The following ARHGAP24 variants were observed in gnomAD, a reference collection of about 807,000 sequenced individuals.
ARHGAP24 encodes the protein Rho GTPase activating protein 24.
In ARHGAP24, 50 loss-of-function variants were observed where a neutral mutation model predicts 76.4. The observed-to-expected ratio is 0.65, with a 90% CI of 0.52 to 0.83. ARHGAP24 has a LOEUF of 0.83. Among genes scored for constraint, ARHGAP24 ranks in the 40% least tolerant of loss-of-function variants. The pLI is 0.00. For synonymous variants in ARHGAP24, 345 were observed against 323.3 expected, an observed-to-expected ratio of 1.07 and a Z score of -0.72; for missense variants, 930 against 914.2, an observed-to-expected ratio of 1.02 and a Z score of -0.22.
chr4:85,874,112 A>C (rs114998934), intron 3 of ARHGAP24, among the ~76,000 whole-genome samples: 354 of 152,336 alleles, frequency 2.3e-3, no homozygotes, highest in Non-Finnish European at 4.0e-3. Flanking sequence ...CCCAAAACCT[A>C]GAGCAGTTTA....
At chr4:85,886,481 C>G (rs1733575126) in intron 3 of ARHGAP24, among the ~76,000 whole-genome samples, 1 of 152,120 alleles carries the variant, frequency 6.6e-6, no homozygotes, top group African/African-American at 2.4e-5. Flanking sequence ...TAAGCCTTAT[C>G]ATCATAGACC....
At chr4:85,612,083 T>TAC (rs34030905) in intron 2 of ARHGAP24, among the ~76,000 whole-genome samples, 5,521 of 143,768 alleles carry the variant, frequency 0.038, 290 homozygotes, top group African/African-American at 0.12. Flanking sequence ...TTCATTACAT[T>TAC]ACACACACAC....
chr4:85,924,617 A>G (rs1178756524), intron 4 of ARHGAP24: 1 of 150,988 alleles, frequency 6.6e-6, no homozygotes. Context: ...TCTTTTGTAT[A>G]TTGTCAACAC....
chr4:85,784,945 A>G (rs146222958), intron 3 of ARHGAP24, among the ~76,000 whole-genome samples: 3 of 135,588 alleles, frequency 2.2e-5, no homozygotes, highest in Non-Finnish European at 1.6e-5. Flanking sequence ...CTATCTATCT[A>G]TCTATCTATC....
At chr4:85,776,035 G>A (rs1727296967) in intron 3 of ARHGAP24, among the ~76,000 whole-genome samples, 1 of 152,070 alleles carries the variant, frequency 6.6e-6, no homozygotes, top group African/African-American at 2.4e-5. Context: ...ATTTTTATGT[G>A]TGTCAGTTTC....
At chr4:85,784,910 TC>T (rs1386710407) in intron 3 of ARHGAP24, among the ~76,000 whole-genome samples, 6 of 556 alleles carry the variant, frequency 0.011, no homozygotes, top group Non-Finnish European at 0.041. Context: ...TATATCTCTA[TC>T]TATCTATCTA....
intron 3 of ARHGAP24, among the ~76,000 whole-genome samples, chr4:85,849,548 A>G (rs922878393): frequency 6.6e-6 from 1 of 152,186 alleles, no homozygotes; most frequent in African/African-American, 2.4e-5. Context: ...GAGTGCTTCC[A>G]GTTTTTGCCC....
chr4:85,570,255 T>G, intron 1 of ARHGAP24, among the ~76,000 whole-genome samples: 1 of 152,022 alleles, frequency 6.6e-6, no homozygotes, highest in East Asian at 1.9e-4. Flanking sequence ...TTTTCACCCC[T>G]TCTCCCACTC....
chr4:85,773,888 T>C (rs1727218038), intron 3 of ARHGAP24, among the ~76,000 whole-genome samples: 1 of 152,210 alleles, frequency 6.6e-6, no homozygotes, highest in Non-Finnish European at 1.5e-5. Flanking sequence ...TATTTTAGCT[T>C]TGATCCACTA....
At chr4:85,484,282 AATG>A (rs1226445383) in intron 1 of ARHGAP24, among the ~76,000 whole-genome samples, 2 of 152,190 alleles carry the variant, frequency 1.3e-5, no homozygotes, top group African/African-American at 4.8e-5. Flanking sequence ...GAAATATTTT[AATG>A]ATAATAGTTC....
Position 85,949,903 on chromosome 4 carries a change from G to A in ARHGAP24, c.599+7630G>A, listed in dbSNP as rs75100028. ...ACACTGTTCTGGATGAAAGAGACAA[G>A]GTGCATTCTCTTCTGGGGTTTGCCT... On this transcript the variant is annotated intron_variant, in intron 5 of 9. Coordinates refer to ENST00000395184, the MANE Select transcript of ARHGAP24 (RefSeq NM_001025616.3). Among the ~76,000 whole-genome samples the A allele has an allele frequency of 7.5e-3, 1,148 of 152,266 alleles. 17 individuals are homozygous for A. Among genetic ancestry groups the A allele is most frequent in the East Asian group, 0.068 (354 of 5,178 alleles).
intron 2 of ARHGAP24, among the ~76,000 whole-genome samples, chr4:85,631,992 T>C (rs1364262336): frequency 2.0e-5 from 3 of 152,110 alleles, no homozygotes; most frequent in Admixed American, 2.0e-4. Flanking sequence ...GTGTCTTTTG[T>C]ATCCATAGAT....
intron 8 of ARHGAP24, among the ~76,000 whole-genome samples, chr4:85,984,792 T>A (rs1327946623): frequency 6.6e-6 from 1 of 152,194 alleles, no homozygotes; most frequent in Admixed American, 6.5e-5. Context: ...GACATTGGAT[T>A]TTTTTGTTTT....
chr4:85,704,455 G>A (rs1367191005), intron 2 of ARHGAP24, among the ~76,000 whole-genome samples: 1 of 152,006 alleles, frequency 6.6e-6, no homozygotes, highest in African/African-American at 2.4e-5. Flanking sequence ...TTTTGGAATG[G>A]AGGCCATCAA....
intron 8 of ARHGAP24, among the ~76,000 whole-genome samples, chr4:85,982,821 A>G (rs1739749623): frequency 6.6e-6 from 1 of 152,126 alleles, no homozygotes; most frequent in African/African-American, 2.4e-5. Context: ...GGTTTGTTAC[A>G]TAGGTAAACA....
intron 5 of ARHGAP24, among the ~76,000 whole-genome samples, chr4:85,950,449 A>T (rs1233549046): frequency 2.0e-5 from 3 of 152,064 alleles, no homozygotes; most frequent in Non-Finnish European, 2.9e-5. Context: ...GCAATGAGTT[A>T]TGATCATACT....
intron 2 of ARHGAP24, among the ~76,000 whole-genome samples, chr4:85,654,935 A>C (rs1461477851): frequency 6.6e-6 from 1 of 152,224 alleles, no homozygotes; most frequent in Non-Finnish European, 1.5e-5. Flanking sequence ...AACTCTTACA[A>C]AGTAAGTAGT....
Position 85,898,964 on chromosome 4 carries a change from G to A in ARHGAP24, c.269-24684G>A, listed in dbSNP as rs560562815. ...TCACCATGTTGGCCGGGCTAGTCTC[G>A]AACTCCTGACCTCAGGTGACCCACC... On this transcript the variant is annotated intron_variant, in intron 3 of 9. Transcript: ENST00000395184. Among the ~76,000 whole-genome samples the A allele has an allele frequency of 1.3e-4, 20 of 152,132 alleles. No individual in the cohort carries two copies. In the South Asian group the frequency reaches 3.3e-3, roughly 25 times the overall value.
chr4:85,490,931 A>G (rs1723329513), intron 1 of ARHGAP24, among the ~76,000 whole-genome samples: 1 of 152,190 alleles, frequency 6.6e-6, no homozygotes. Context: ...TCTCATCTTC[A>G]TATGTTTATT....
Sources: gnomAD v4.1 joint callset for allele counts (sites outside exome capture counted in the v4.1 genomes callset) on GRCh38, gnomAD v4.1.1 for gene constraint, MANE v1.5 for transcripts, NCBI Gene and HGNC (gene_info 2026-07-23, HGNC 2026-07-21) for gene names.